Variants in TRAPPC10 observed in about 807,000 individuals in gnomAD.
TRAPPC10 encodes the protein trafficking protein particle complex subunit 10.
TRAPPC10 carries 23 observed loss-of-function variants against 125.5 expected under a neutral mutation model. The ratio of observed to expected loss-of-function variants is 0.18; its 90% CI spans 0.13 to 0.26. The LOEUF (loss-of-function observed/expected upper bound fraction) is 0.26. Ranked by LOEUF, TRAPPC10 falls within the 10% of genes least tolerant of loss-of-function variation. The probability of loss-of-function intolerance (pLI) is 1.00; values close to 1 mark genes in which losing one functional copy is unlikely to be tolerated. For missense variants in TRAPPC10, 1,123 were observed against 1,308.4 expected, an observed-to-expected ratio of 0.86 and a Z score of 2.19; for synonymous variants, 509 against 518.0, an observed-to-expected ratio of 0.98 and a Z score of 0.24.
chr21:44,019,988 C>T (rs536374697), intron 1 of TRAPPC10, among the ~76,000 whole-genome samples: 4 of 152,158 alleles, frequency 2.6e-5, no homozygotes, highest in African/African-American at 9.6e-5. Context: ...TGCTCTCTCC[C>T]TTATGTGGCT....
At chr21:44,046,801 C>A in intron 3 of TRAPPC10, 1 of 543,332 alleles carries the variant, frequency 1.8e-6, no homozygotes, top group African/African-American at 2.0e-5. Flanking sequence ...AGCCACCGCA[C>A]CCGGCCACCT....
chr21:44,020,772 C>T (rs2032426938), intron 1 of TRAPPC10, among the ~76,000 whole-genome samples: 1 of 152,192 alleles, frequency 6.6e-6, no homozygotes, highest in African/African-American at 2.4e-5. Flanking sequence ...TTCACCTAGA[C>T]CAGTCAGCAA....
chr21:44,026,290 A>G (rs1224085306), intron 1 of TRAPPC10, among the ~76,000 whole-genome samples: 1 of 152,086 alleles, frequency 6.6e-6, no homozygotes, highest in Non-Finnish European at 1.5e-5. Context: ...ACCCATGATT[A>G]TGCATTTGAT....
intron 5 of TRAPPC10, among the ~76,000 whole-genome samples, chr21:44,057,423 G>A (rs901279709): frequency 4.0e-5 from 6 of 151,804 alleles, no homozygotes; most frequent in African/African-American, 7.3e-5. Flanking sequence ...CCTCAGTCCC[G>A]AGTAGCTGGG....
intron 13 of TRAPPC10, among the ~76,000 whole-genome samples, chr21:44,081,029 T>C (rs1179182323): frequency 7.2e-6 from 1 of 139,598 alleles, no homozygotes; most frequent in East Asian, 2.0e-4. Flanking sequence ...TTTTTTTTTT[T>C]TTTTTTTTGA....
chr21:44,086,662 A>T (rs2038155681), intron 15 of TRAPPC10, 140 bp from the exon 16 acceptor site: 2 of 883,584 alleles, frequency 2.3e-6, no homozygotes, highest in Non-Finnish European at 3.5e-6. Context: ...AGGGAATGGA[A>T]GTAGAAGGAA....
Position 44,059,664 on chromosome 21 carries a change from C to A in TRAPPC10, c.790+450C>A, listed in dbSNP as rs965065966. On this transcript the variant is annotated intron_variant, in intron 6 of 22. Coordinates refer to ENST00000291574, the MANE Select transcript of TRAPPC10 (RefSeq NM_003274.5). This position sits in a 1 kb window ranked among gnomAD's most constrained non-coding sequence, Gnocchi z 4.4. Reference sequence around the variant, plus strand: ...CACTTTTAAATAATATCTTAAGCTCCTTTACAATTAAAGAATTAGCACAGT... The same window carrying A: ...CACTTTTAAATAATATCTTAAGCTCATTTACAATTAAAGAATTAGCACAGT... 9 of 563,000 alleles carry A rather than the reference C, an allele frequency of 1.6e-5. No homozygotes were observed. Among genetic ancestry groups the A allele is most frequent in the African/African-American group, 1.5e-4 (8 of 53,580 alleles). The allele number at this position is 563,000 out of a possible 1,614,324, so 34.9% of individuals were successfully genotyped here. A position where few individuals can be genotyped will look rare whatever the true frequency, so the allele number is the denominator to read the frequency against.
intron 12 of TRAPPC10, 118 bp from the exon 13 acceptor site, chr21:44,079,897 A>T: frequency 9.4e-7 from 1 of 1,058,430 alleles, no homozygotes; most frequent in Non-Finnish European, 1.3e-6. Flanking sequence ...TAGTAACTTA[A>T]AAAAAAAAAG....
intron 2 of TRAPPC10, among the ~76,000 whole-genome samples, chr21:44,033,513 G>GA (rs1000661995): frequency 4.7e-5 from 7 of 150,240 alleles, no homozygotes; most frequent in African/African-American, 7.3e-5. Flanking sequence ...TAGATAAAGG[G>GA]AAAAAAAAAG....
chr21:44,044,462 C>G (rs1411418811), intron 3 of TRAPPC10, among the ~76,000 whole-genome samples: 24 of 151,830 alleles, frequency 1.6e-4, no homozygotes, highest in Non-Finnish European at 1.5e-5. Context: ...CATAATTCTT[C>G]CTTCAAGTAA....
intron 3 of TRAPPC10, chr21:44,046,782 A>G: frequency 2.0e-6 from 1 of 490,254 alleles, no homozygotes. Flanking sequence ...TGCTGGGATT[A>G]CAGGCATAAG....
chr21:44,055,939 T>C, intron 5 of TRAPPC10, 46 bp downstream of exon 5: 1 of 1,449,396 alleles, frequency 6.9e-7, no homozygotes, highest in Non-Finnish European at 9.4e-7. Context: ...TCTCCTTCCC[T>C]CCTTTGTTCC....
chr21:44,023,457 T>TAGG (rs2032757995), intron 1 of TRAPPC10, among the ~76,000 whole-genome samples: 1 of 152,196 alleles, frequency 6.6e-6, no homozygotes, highest in Admixed American at 6.5e-5. Flanking sequence ...CTTGATGTGT[T>TAGG]ACAGTCCATT....
Position 44,062,792 on chromosome 21 carries a change from G to A in TRAPPC10, c.791-746G>A, listed in dbSNP as rs116272243. On this transcript the variant is annotated intron_variant, in intron 6 of 22. Transcript: ENST00000291574. The stretch of plus-strand genomic sequence containing the variant: ...GGAGAAGCTCACGTCAGTGAAGGGA[G>A]CGTTTAACCATGCCAGGATGCCACG... 2.3e-3 allele frequency: 2,239 copies of A among 985,448 alleles called. 41 individuals are homozygous for A. In the African/African-American group the frequency reaches 0.036, roughly 16 times the overall value. 61.0% of individuals were successfully genotyped at this position (985,448 alleles called of 1,614,324 possible). A position where few individuals can be genotyped will look rare whatever the true frequency, so the allele number is the denominator to read the frequency against.
chr21:44,058,061 C>T (rs1034082396), intron 5 of TRAPPC10, among the ~76,000 whole-genome samples: 2 of 152,142 alleles, frequency 1.3e-5, no homozygotes, highest in Non-Finnish European at 2.9e-5. Flanking sequence ...GCTGGGACGC[C>T]GTCAGTGTAC....
In TRAPPC10 at chr21:44,063,650, C is replaced by T. The variant is rs771454453; in HGVS notation, c.903C>T (p.Ala301=). 4 of 1,614,112 alleles carry T rather than the reference C, an allele frequency of 2.5e-6. No homozygotes were observed. In the African/African-American group the frequency reaches 5.3e-5, roughly 22 times the overall value. Residue 301 remains alanine (A), a synonymous_variant, in exon 7 of 23, where the codon GCC becomes GCT. Coordinates refer to ENST00000291574, the MANE Select transcript of TRAPPC10 (RefSeq NM_003274.5). This position sits in a 1 kb window ranked among gnomAD's most constrained non-coding sequence, Gnocchi z 4.4. ...GGGAATCGATCCAGAGGCGAGAAGC[C>T]ACCCTGTTAGATCTGCGCAGTTACC... ...EKRESIQRRE[A]TLLDLRSYLF...
intron 3 of TRAPPC10, among the ~76,000 whole-genome samples, chr21:44,048,618 T>C (rs1176446402): frequency 1.3e-5 from 2 of 152,034 alleles, no homozygotes; most frequent in African/African-American, 2.4e-5. Flanking sequence ...CTCAGCCTGC[T>C]AAATAGCTGG....
chr21:44,060,921 C>T (rs1008153589), intron 6 of TRAPPC10, among the ~76,000 whole-genome samples: 453 of 149,646 alleles, frequency 3.0e-3, no homozygotes, highest in Non-Finnish European at 4.6e-3. Context: ...TACATACACA[C>T]ACACACACAC....
chr21:44,037,975 A>T lies in TRAPPC10; in HGVS notation c.285+48A>T, dbSNP rs892821233. 3.8e-6 allele frequency: 6 copies of T among 1,594,438 alleles called. No homozygotes were observed. The Admixed American group carries it at 6.8e-5, about 18-fold the overall frequency. On this transcript the variant is annotated intron_variant, in intron 3 of 22. Transcript: ENST00000291574. ...GATGCGCGGTGGGATGGGGTTGGAG[A>T]TGCGTGGAGAGTGCTGTGTGAGTAC...
Sources: gnomAD v4.1 joint callset for allele counts (sites outside exome capture counted in the v4.1 genomes callset) on GRCh38, gnomAD v4.1.1 for gene constraint, Gnocchi (gnomAD v3.1) non-coding constraint, MANE v1.5 for transcripts, NCBI Gene and HGNC (gene_info 2026-07-23, HGNC 2026-07-21) for gene names.